Variants in B3GALT1 observed in about 807,000 individuals in gnomAD.
The protein encoded by B3GALT1 is UDP-Gal:betaGlcNAc beta 1,3-galactosyltransferase, polypeptide 1.
B3GALT1 carries 10 observed loss-of-function variants against 23.2 expected under a neutral mutation model. That is an observed-to-expected ratio of 0.43 (90% CI 0.27 to 0.73). B3GALT1 has a LOEUF of 0.73. Among genes scored for constraint, B3GALT1 ranks in the 30% least tolerant of loss-of-function variants. The probability of loss-of-function intolerance (pLI) is 0.21; values close to 1 mark genes in which losing one functional copy is unlikely to be tolerated. For missense variants in B3GALT1, 299 were observed against 405.4 expected (o/e 0.74, Z 2.25); for synonymous variants, 156 against 141.5 (o/e 1.10, Z -0.73).
chr2:167,641,600 T>C (rs1344292907), intron 2 of B3GALT1, among the ~76,000 whole-genome samples: 1 of 152,214 alleles, frequency 6.6e-6, no homozygotes, highest in Non-Finnish European at 1.5e-5. Context: ...CACTGCTTAT[T>C]TTTGCAGTGG....
rs918624201 is a variant in B3GALT1, at chr2:167,410,557, G to A, written c.-510-79620G>A. The stretch of plus-strand genomic sequence containing the variant: ...AACACATGGACACAACACAGGGAGA[G>A]GAATATCACACACTGGGGCCTGTCA... On this transcript the variant is annotated intron_variant, in intron 1 of 4. Coordinates refer to ENST00000392690, the MANE Select transcript of B3GALT1 (RefSeq NM_020981.4). 3.3e-5 allele frequency among the ~76,000 whole-genome samples: 5 copies of A among 150,558 alleles called. No individual in the cohort carries two copies. The East Asian group carries it at 9.8e-4, about 29-fold the overall frequency.
chr2:167,856,832 GAGA>G (rs1384804953), intron 4 of B3GALT1, among the ~76,000 whole-genome samples: 2 of 152,186 alleles, frequency 1.3e-5, no homozygotes, highest in African/African-American at 4.8e-5. Flanking sequence ...CCAGGGTCAA[GAGA>G]AGGTTTTGCT....
At chr2:167,398,554 G>A (rs921413356) in intron 1 of B3GALT1, among the ~76,000 whole-genome samples, 2 of 152,076 alleles carry the variant, frequency 1.3e-5, no homozygotes, top group African/African-American at 4.8e-5. Flanking sequence ...TAGAGGAAAG[G>A]TAAAATGAAG....
intron 1 of B3GALT1, among the ~76,000 whole-genome samples, chr2:167,483,908 A>G (rs1472089537): frequency 6.6e-6 from 1 of 152,020 alleles, no homozygotes; most frequent in East Asian, 1.9e-4. Flanking sequence ...GAACCTATCC[A>G]TGGATCGCAT....
intron 4 of B3GALT1, among the ~76,000 whole-genome samples, chr2:167,842,595 T>C (rs935491099): frequency 2.0e-5 from 3 of 152,176 alleles, no homozygotes; most frequent in African/African-American, 7.2e-5. Context: ...AATATTTGGC[T>C]GGGTGCAGTG....
At chr2:167,551,512 C>G (rs1204323458) in intron 2 of B3GALT1, among the ~76,000 whole-genome samples, 1 of 152,056 alleles carries the variant, frequency 6.6e-6, no homozygotes, top group Non-Finnish European at 1.5e-5. Flanking sequence ...GATTCAAAAT[C>G]AAGATCATTG....
At chr2:167,369,887 C>T (rs931403249) in intron 1 of B3GALT1, among the ~76,000 whole-genome samples, 1 of 151,888 alleles carries the variant, frequency 6.6e-6, no homozygotes. Flanking sequence ...TTCTTCATGG[C>T]ACTTCTGCTT....
chr2:167,299,262 A>C (rs908827991), intron 1 of B3GALT1, among the ~76,000 whole-genome samples: 3 of 152,190 alleles, frequency 2.0e-5, no homozygotes, highest in Admixed American at 6.5e-5. Context: ...AACAACTGCC[A>C]GAGGTAGAGG....
At chr2:167,651,755 T>A (rs1685874121) in intron 3 of B3GALT1, among the ~76,000 whole-genome samples, 3 of 152,132 alleles carry the variant, frequency 2.0e-5, no homozygotes, top group Admixed American at 1.3e-4. Flanking sequence ...AATAGTGCAG[T>A]TGAACAACAG....
At chr2:167,718,388 T>C (rs972474194) in intron 3 of B3GALT1, among the ~76,000 whole-genome samples, 1 of 152,224 alleles carries the variant, frequency 6.6e-6, no homozygotes, top group African/African-American at 2.4e-5. Context: ...TATGTTAGTG[T>C]CATTCTGCAT....
chr2:167,485,661 A>G (rs1699616542), intron 1 of B3GALT1, among the ~76,000 whole-genome samples: 1 of 152,210 alleles, frequency 6.6e-6, no homozygotes, highest in Admixed American at 6.5e-5. Flanking sequence ...CTTTGCATGA[A>G]GACTGCCACA....
chr2:167,611,194 C>A (rs936786816), intron 2 of B3GALT1, among the ~76,000 whole-genome samples: 2 of 151,926 alleles, frequency 1.3e-5, no homozygotes, highest in African/African-American at 4.8e-5. Context: ...ATCTGATTAA[C>A]TTCTATTAAT....
chr2:167,462,786 T>TTATATTGTCTGTC (rs1699280064), intron 1 of B3GALT1, among the ~76,000 whole-genome samples: 1 of 152,212 alleles, frequency 6.6e-6, no homozygotes, highest in African/African-American at 2.4e-5. Context: ...AATCTTTAGC[T>TTATATTGTCTGTC]CATTATAACA....
intron 2 of B3GALT1, among the ~76,000 whole-genome samples, chr2:167,575,278 C>T (rs1187721393): frequency 7.9e-5 from 12 of 151,750 alleles, no homozygotes. Flanking sequence ...ACAGTCTGGG[C>T]TTAAGCCTGG....
At chr2:167,564,146 C>G (rs7565127) in intron 2 of B3GALT1, among the ~76,000 whole-genome samples, 20 of 149,466 alleles carry the variant, frequency 1.3e-4, no homozygotes, top group Non-Finnish European at 2.5e-4. Context: ...ACTTCTCAGA[C>G]GGGGCGGTTG....
chr2:167,773,227 G>A (rs1191894869), intron 3 of B3GALT1, among the ~76,000 whole-genome samples: 1 of 151,990 alleles, frequency 6.6e-6, no homozygotes, highest in Non-Finnish European at 1.5e-5. Flanking sequence ...TAATTTAGAA[G>A]CAATCTTTGA....
At chr2:167,698,130 G>GAGTT (rs71967581) in intron 3 of B3GALT1, among the ~76,000 whole-genome samples, 10,938 of 152,166 alleles carry the variant, frequency 0.072, 591 homozygotes, top group East Asian at 0.18. Flanking sequence ...GTTCTGTAGG[G>GAGTT]AGTTAACATC....
chr2:167,409,943 T>G (rs1698364785), intron 1 of B3GALT1, among the ~76,000 whole-genome samples: 1 of 152,112 alleles, frequency 6.6e-6, no homozygotes, highest in Non-Finnish European at 1.5e-5. Context: ...ACCCAAAGGA[T>G]GATAAATCAT....
Position 167,870,110 on chromosome 2 carries a change from C to A in B3GALT1, c.*90C>A. On this transcript the variant is annotated 3_prime_UTR_variant, in exon 5 of 5. Coordinates refer to ENST00000392690, the MANE Select transcript of B3GALT1 (RefSeq NM_020981.4). The stretch of plus-strand genomic sequence containing the variant: ...TTTTCCAGGTGTCGGGGGAAATGAA[C>A]TGGTGAAGGGGTTTTGTAAAGTTTT... 1 of 1,358,684 alleles carries A rather than the reference C, an allele frequency of 7.4e-7. No individual in the cohort carries two copies. The highest frequency in any genetic ancestry group is 9.9e-7 in the Non-Finnish European group (1 of 1,011,414). The allele number at this position is 1,358,684 out of a possible 1,614,324, so 84.2% of individuals were successfully genotyped here.
Sources: gnomAD v4.1 joint callset for allele counts (sites outside exome capture counted in the v4.1 genomes callset) on GRCh38, gnomAD v4.1.1 for gene constraint, MANE v1.5 for transcripts, NCBI Gene and HGNC (gene_info 2026-07-23, HGNC 2026-07-21) for gene names.